MSH6: variants seen among roughly 807,000 people sequenced by gnomAD.
MSH6 encodes mutS homolog 6.
Under a neutral mutation model 119.1 loss-of-function variants are expected in MSH6, and 85 were observed. The observed-to-expected ratio is 0.71, with a 90% confidence interval of 0.60 to 0.85. The LOEUF (loss-of-function observed/expected upper bound fraction) is 0.85, where lower values mean the gene tolerates loss of function less well. Among genes scored for constraint, MSH6 ranks in the 40% least tolerant of loss-of-function variants. The probability of loss-of-function intolerance (pLI) is 0.00; values close to 1 mark genes in which losing one functional copy is unlikely to be tolerated. For missense variants in MSH6, 2,163 were observed against 1,655.3 expected, an observed-to-expected ratio of 1.31 and a Z score of -5.32; for synonymous variants, 830 against 586.9, an observed-to-expected ratio of 1.41 and a Z score of -5.99.
At chr2:47,794,066 AG>A (rs1158063336) in intron 2 of MSH6, among the ~76,000 whole-genome samples, 4 of 102 alleles carry the variant, frequency 0.039, 1 homozygote, top group South Asian at 0.25. Flanking sequence ...AAGGCCAGGC[AG>A]TGGTGGCTCA....
intron 1 of MSH6, among the ~76,000 whole-genome samples, chr2:47,788,299 G>T (rs1357676396): frequency 8.0e-6 from 1 of 125,686 alleles, no homozygotes; most frequent in Non-Finnish European, 1.6e-5. Context: ...CTGTCACCCA[G>T]GCTGGAGTGC....
chr2:47,803,415 A>C lies in MSH6; in HGVS notation c.3173-5A>C, dbSNP rs1669729220. On this transcript the variant is annotated splice_polypyrimidine_tract_variant and splice_region_variant and intron_variant, in intron 4 of 9. Coordinates refer to ENST00000234420, the MANE Select transcript of MSH6 (RefSeq NM_000179.3). The stretch of plus-strand genomic sequence containing the variant: ...AAGCCTCACTTTTACCCTCTCTTTT[A>C]ACAGATGTTTTACTGTGCCTGGCTA... 1 of 1,614,144 alleles carries C rather than the reference A, an allele frequency of 6.2e-7. No homozygotes were observed. Among genetic ancestry groups the C allele is most frequent in the Non-Finnish European group, 8.5e-7 (1 of 1,180,046 alleles).
At chr2:47,808,619 AG>A (rs1405224113), downstream of MSH6, 1 of 505,842 alleles carries the variant, frequency 2.0e-6, no homozygotes, top group African/African-American at 1.9e-5. Flanking sequence ...GTGTCTTCGG[AG>A]GGAAGAGAAA....
intron 1 of MSH6, among the ~76,000 whole-genome samples, chr2:47,787,366 T>C (rs1035500111): frequency 2.6e-5 from 4 of 152,240 alleles, no homozygotes; most frequent in Admixed American, 6.5e-5. Context: ...ATCAAAATTA[T>C]GGGCTAAAGA....
At position 47,803,659 on chromosome 2, in the gene MSH6, G is replaced by T. The variant is rs1572736091; in HGVS notation, c.3412G>T (p.Gly1138Trp). The T allele has an allele frequency of 6.2e-7, 1 of 1,614,154 alleles. No individual in the cohort carries two copies. The highest frequency in any genetic ancestry group is 8.5e-7 in the Non-Finnish European group (1 of 1,180,040). Residue 1138 changes from glycine (G) to tryptophan (W), a missense_variant, in exon 5 of 10, where the codon GGG (glycine) becomes TGG (tryptophan). Gly to Trp is a radical substitution (Grantham distance 184, BLOSUM62 -2). Coordinates refer to ENST00000234420, the MANE Select transcript of MSH6 (RefSeq NM_000179.3). Reference protein sequence around the residue: ...YCVLVTGPNMGGKSTLMRQAG... With the variant: ...YCVLVTGPNMWGKSTLMRQAG... ...TGTGCTTGTTACTGGACCAAATATG[G>T]GGGGCAAGTCTACGCTTATGAGACA...
chr2:47,789,049 C>A (rs531626966), intron 1 of MSH6, among the ~76,000 whole-genome samples: 2 of 149,476 alleles, frequency 1.3e-5, no homozygotes, highest in East Asian at 4.0e-4. Context: ...CTTCAGGCTC[C>A]CAAGTAGCTG....
At chr2:47,797,942 A>G (rs1020683197) in intron 3 of MSH6, 5 of 209,472 alleles carry the variant, frequency 2.4e-5, no homozygotes, top group Non-Finnish European at 5.0e-5. Context: ...TCTTTTTTAT[A>G]GTTTTAGTCT....
chr2:47,794,364 G>A (rs1335473839), intron 2 of MSH6, among the ~76,000 whole-genome samples: 3 of 151,384 alleles, frequency 2.0e-5, no homozygotes, highest in African/African-American at 4.9e-5. Flanking sequence ...CTCTGTCTCC[G>A]GGGTTCAAGT....
chr2:47,798,110 T>A, intron 3 of MSH6: 1 of 183,886 alleles, frequency 5.4e-6, no homozygotes, highest in Non-Finnish European at 1.2e-5. Flanking sequence ...TTCCACCACG[T>A]TTGCAGGAGA....
At chr2:47,789,324 T>G in intron 1 of MSH6, 1 of 392,932 alleles carries the variant, frequency 2.5e-6, no homozygotes, top group Non-Finnish European at 5.1e-6. Context: ...AATTTTTTGT[T>G]TAAATGCTTA....
Position 47,800,496 on chromosome 2 carries a change from C to T in MSH6, c.2513C>T (p.Pro838Leu), listed in dbSNP as rs770952730. The T allele has an allele frequency of 6.2e-7, 1 of 1,612,784 alleles. No homozygotes were observed. Among genetic ancestry groups the T allele is most frequent in the Non-Finnish European group, 8.5e-7 (1 of 1,179,680 alleles). The change falls in exon 4 of 10, where the codon CCA (proline) becomes CTA (leucine). Residue 838 changes from proline (P) to leucine (L), a missense_variant. Physicochemically the swap from Pro to Leu is moderately conservative, Grantham distance 98 (BLOSUM62 -3). Transcript: ENST00000234420. ...VGSPLKSQNHPDSRAIMYEET... is the reference protein window; with the variant it reads ...VGSPLKSQNHLDSRAIMYEET... Reference sequence around the variant, plus strand: ...TCTCCCCTGAAGAGTCAGAACCACCCAGACAGCAGGGCTATAATGTATGAA... The same window carrying T: ...TCTCCCCTGAAGAGTCAGAACCACCTAGACAGCAGGGCTATAATGTATGAA...
In MSH6 at chr2:47,804,957, T is replaced by G. The variant is rs781119463; in HGVS notation, c.3486T>G (p.Ala1162=). 1 of 1,614,174 alleles carries G rather than the reference T, an allele frequency of 6.2e-7. No individual in the cohort carries two copies. Among genetic ancestry groups the G allele is most frequent in the East Asian group, 2.2e-5 (1 of 44,890 alleles). ...VMAQMGCYVP[A]EVCRLTPIDR... ...CCCAGATGGGTTGTTACGTCCCTGCTGAAGTGTGCAGGCTCACACCAATTG... is the reference window on the plus strand; with the variant it reads ...CCCAGATGGGTTGTTACGTCCCTGCGGAAGTGTGCAGGCTCACACCAATTG... Residue 1162 remains alanine (A), a synonymous_variant, in exon 6 of 10, where the codon GCT becomes GCG. Transcript: ENST00000234420.
rs730881818 is a variant in MSH6, at chr2:47,800,923, A to G, written c.2940A>G (p.Glu980=). ...WGIGRNRYQL[E]IPENFTTRNL... is the part of the protein sequence containing the mutation. The stretch of plus-strand genomic sequence containing the variant: ...TTGGTAGGAACCGTTACCAGCTGGA[A>G]ATTCCTGAGAATTTCACCACTCGCA... The change falls in exon 4 of 10, where the codon GAA becomes GAG. Residue 980 remains glutamate, a synonymous_variant. Transcript: ENST00000234420. 1.4e-5 allele frequency: 22 copies of G among 1,578,338 alleles called. No homozygotes were observed. In the Admixed American group the frequency reaches 4.0e-4, roughly 28 times the overall value.
intron 4 of MSH6, among the ~76,000 whole-genome samples, chr2:47,801,821 G>A (rs946526987): frequency 8.6e-5 from 13 of 151,656 alleles, no homozygotes; most frequent in African/African-American, 2.9e-4. Flanking sequence ...TTTGGTGGGG[G>A]AAGGGGGAAG....
At chr2:47,806,114 G>T in intron 7 of MSH6, 90 bp from the exon 8 acceptor site, 1 of 1,271,914 alleles carries the variant, frequency 7.9e-7, no homozygotes, top group Non-Finnish European at 1.1e-6. Context: ...ACTAACCGAT[G>T]TTGCTTTTCT....
rs2104489574 is a variant in MSH6 at position 47,803,788 on chromosome 2, A to C, written c.3438+103A>C. The C allele has an allele frequency of 7.2e-6, 10 of 1,381,304 alleles. No homozygotes were observed. In the South Asian group the frequency reaches 1.2e-4, roughly 17 times the overall value. 85.6% of individuals were successfully genotyped at this position (1,381,304 alleles called of 1,614,324 possible). On this transcript the variant is annotated intron_variant, in intron 5 of 9. Coordinates refer to ENST00000234420, the MANE Select transcript of MSH6 (RefSeq NM_000179.3). ...AAACACAGTTACATAAAAGTCAGCC[A>C]GTGACTTAATAGGAAGCAAAGGGAA...
intron 4 of MSH6, among the ~76,000 whole-genome samples, chr2:47,802,459 T>G (rs537244372): frequency 6.6e-6 from 1 of 151,970 alleles, no homozygotes; most frequent in East Asian, 1.9e-4. Context: ...GCCTCCTGAG[T>G]AGCTGGGACT....
At chr2:47,801,749 C>T (rs1015717478) in intron 4 of MSH6, among the ~76,000 whole-genome samples, 14 of 152,080 alleles carry the variant, frequency 9.2e-5, no homozygotes, top group African/African-American at 2.4e-5. Flanking sequence ...ACAGACCTCT[C>T]GTGTCAGCCT....
In MSH6 at chr2:47,805,639, A is replaced by T. The variant is rs2104522976; in HGVS notation, c.3578A>T (p.Glu1193Val). 1 of 1,612,502 alleles carries T rather than the reference A, an allele frequency of 6.2e-7. No homozygotes were observed. The highest frequency in any genetic ancestry group is 2.2e-5 in the East Asian group (1 of 44,854). ...IMSGESTFFV[E>V]LSETASILMH... ...TAAGGTGAAAGTACATTTTTTGTTG[A>T]ATTAAGTGAAACTGCCAGCATACTC... Residue 1193 changes from glutamate to valine, a missense_variant, in exon 7 of 10, where the codon GAA becomes GTA. Coordinates refer to ENST00000234420, the MANE Select transcript of MSH6 (RefSeq NM_000179.3).
Sources: gnomAD v4.1 joint callset for allele counts (sites outside exome capture counted in the v4.1 genomes callset) on GRCh38, gnomAD v4.1.1 for gene constraint, MANE v1.5 for transcripts, NCBI Gene and HGNC (gene_info 2026-07-23, HGNC 2026-07-21) for gene names.